Variants in ARVCF observed in about 807,000 individuals in gnomAD.
The protein encoded by ARVCF is ARVCF delta catenin family member.
A neutral mutation model predicts 90.9 loss-of-function variants in ARVCF; 66 were observed. The observed-to-expected ratio is 0.73, with a 90% CI of 0.60 to 0.89. The LOEUF (loss-of-function observed/expected upper bound fraction) is 0.89. ARVCF is among the 40% of genes least tolerant of loss of function. The probability of loss-of-function intolerance (pLI) is 0.00; values close to 1 mark genes in which losing one functional copy is unlikely to be tolerated. For missense variants in ARVCF, 1,469 were observed against 1,382.3 expected, an observed-to-expected ratio of 1.06 and a Z score of -1.00; for synonymous variants, 653 against 603.4, an observed-to-expected ratio of 1.08 and a Z score of -1.21.
intron 1 of ARVCF, among the ~76,000 whole-genome samples, chr22:20,011,141 G>A (rs1236336989): frequency 1.3e-5 from 2 of 152,228 alleles, no homozygotes; most frequent in African/African-American, 4.8e-5. Flanking sequence ...TGAGGCTTAT[G>A]GGCTGGAGCA....
chr22:20,012,216 G>A (rs1402213178), intron 1 of ARVCF, among the ~76,000 whole-genome samples: 2 of 152,138 alleles, frequency 1.3e-5, no homozygotes, highest in Non-Finnish European at 2.9e-5. Context: ...ACCCTGGGAA[G>A]GGGTCCAAGT....
At chr22:19,967,227 C>A (rs1273394813), downstream of ARVCF, 38 of 1,303,732 alleles carry the variant, frequency 2.9e-5, no homozygotes, top group Non-Finnish European at 3.7e-5. Context: ...CCAGATTGGG[C>A]TCCTGAGTCC....
intron 13 of ARVCF, 132 bp from the exon 14 acceptor site, chr22:19,973,449 G>C: frequency 7.5e-7 from 1 of 1,325,772 alleles, no homozygotes; most frequent in East Asian, 2.5e-5. Flanking sequence ...GGTCACAGGA[G>C]CCCCTGTGAG....
intron 8 of ARVCF, 117 bp downstream of exon 8, chr22:19,977,841 C>T (rs1386175398): frequency 7.9e-6 from 10 of 1,260,848 alleles, no homozygotes; most frequent in South Asian, 3.0e-5. Context: ...ACACCCAGAA[C>T]GCCACCCCAG....
chr22:20,015,605 C>A (rs909667623), intron 1 of ARVCF, among the ~76,000 whole-genome samples: 2 of 152,162 alleles, frequency 1.3e-5, no homozygotes, highest in Non-Finnish European at 2.9e-5. Flanking sequence ...GAAGTAAAGG[C>A]AGCTACCCCA....
downstream of ARVCF, chr22:19,965,699 A>T (rs1035965608): frequency 2.6e-5 from 4 of 152,330 alleles, no homozygotes; most frequent in African/African-American, 9.6e-5. Context: ...GATCCCTGTC[A>T]GCCTTGTGGA....
chr22:19,971,665 C>G (rs1181838734), intron 18 of ARVCF, among the ~76,000 whole-genome samples: 1 of 152,190 alleles, frequency 6.6e-6, no homozygotes, highest in African/African-American at 2.4e-5. Context: ...CTGGCCCATG[C>G]AGGGTGTGGC....
chr22:19,976,618 C>T, intron 10 of ARVCF, 88 bp downstream of exon 10: 1 of 1,500,730 alleles, frequency 6.7e-7, no homozygotes, highest in Non-Finnish European at 9.0e-7. Context: ...AGGGGTGGGG[C>T]AGGGCCCTGG....
At chr22:19,975,414 C>T (rs551427163) in intron 11 of ARVCF, among the ~76,000 whole-genome samples, 11 of 152,206 alleles carry the variant, frequency 7.2e-5, no homozygotes, top group Non-Finnish European at 1.3e-4. Flanking sequence ...CCACCTCTTA[C>T]GCACCGTGAG....
intron 1 of ARVCF, among the ~76,000 whole-genome samples, chr22:20,016,253 G>A (rs1050437125): frequency 2.0e-5 from 3 of 152,342 alleles, no homozygotes; most frequent in Non-Finnish European, 4.4e-5. Flanking sequence ...CGCGCGGGGC[G>A]GGCACGGCTG....
chr22:19,989,608 G>A (rs1943950958), intron 3 of ARVCF, among the ~76,000 whole-genome samples: 1 of 152,194 alleles, frequency 6.6e-6, no homozygotes, highest in South Asian at 2.1e-4. Context: ...CAGGTCCCCA[G>A]AGTCAGGGCC....
intron 1 of ARVCF, among the ~76,000 whole-genome samples, chr22:20,016,167 G>A (rs1448881454): frequency 1.3e-5 from 2 of 152,174 alleles, no homozygotes; most frequent in Non-Finnish European, 2.9e-5. Flanking sequence ...CCCCAGGAAA[G>A]TTCCCGGCCT....
Position 19,977,855 on chromosome 22 carries a change from C to G in ARVCF, c.1698+103G>C. 8 of 1,351,920 alleles carry G rather than the reference C, an allele frequency of 5.9e-6. No individual in the cohort carries two copies. The South Asian group carries it at 9.9e-5, about 17-fold the overall frequency. The allele number at this position is 1,351,920 out of a possible 1,614,324, so 83.7% of individuals were successfully genotyped here. On this transcript the variant is annotated intron_variant, in intron 8 of 19. Transcript: ENST00000263207. Reference sequence around the variant, plus strand: ...CACACCCAGAACGCCACCCCAGACCCACAAGCCCATTCCCCTGTGCTGCTC... The same window carrying G: ...CACACCCAGAACGCCACCCCAGACCGACAAGCCCATTCCCCTGTGCTGCTC...
chr22:19,982,493 T>C (rs1943560747), intron 3 of ARVCF, among the ~76,000 whole-genome samples: 1 of 152,076 alleles, frequency 6.6e-6, no homozygotes, highest in African/African-American at 2.4e-5. Context: ...ACCTGCAGCA[T>C]GCCTTCCTGA....
chr22:19,996,528 A>C (rs564395667), intron 2 of ARVCF, among the ~76,000 whole-genome samples: 13 of 152,322 alleles, frequency 8.5e-5, no homozygotes, highest in African/African-American at 2.6e-4. Context: ...ATAATGGAAG[A>C]AGCAGCCACA....
intron 11 of ARVCF, among the ~76,000 whole-genome samples, chr22:19,974,820 G>A (rs1467365743): frequency 1.3e-5 from 2 of 152,130 alleles, no homozygotes; most frequent in African/African-American, 4.8e-5. Context: ...GCAACAGGAG[G>A]CACTCTTCCT....
intron 2 of ARVCF, among the ~76,000 whole-genome samples, chr22:20,008,124 G>T (rs1272399055): frequency 6.6e-6 from 1 of 152,214 alleles, no homozygotes; most frequent in African/African-American, 2.4e-5. Flanking sequence ...GCAGAAAGAG[G>T]AGTGAAGAAT....
chr22:20,011,088 C>T (rs1315695645), intron 1 of ARVCF, among the ~76,000 whole-genome samples: 1 of 152,228 alleles, frequency 6.6e-6, no homozygotes, highest in East Asian at 1.9e-4. Context: ...TGTGAATAAC[C>T]ATTTGTCTGG....
At chr22:19,967,826 T>C (rs151284584), downstream of ARVCF, 1,615 of 220,568 alleles carry the variant, frequency 7.3e-3, 16 homozygotes, top group South Asian at 0.013. Flanking sequence ...GTTTATGTGA[T>C]GTAAGCAAAC....
Sources: allele counts gnomAD v4.1 joint callset (sites outside exome capture counted in the v4.1 genomes callset), GRCh38; gene constraint gnomAD v4.1.1; transcripts MANE v1.5; gene names NCBI Gene and HGNC (gene_info 2026-07-23, HGNC 2026-07-21).